The following RNGTT variants were observed in gnomAD, a reference collection of about 807,000 sequenced individuals.
RNGTT encodes the protein RNA guanylyltransferase and 5'-phosphatase, also known as mRNA-capping enzyme.
In RNGTT, 33 loss-of-function variants were observed where a neutral mutation model predicts 79.3. The observed-to-expected ratio is 0.42, with a 90% CI of 0.32 to 0.56. The LOEUF (loss-of-function observed/expected upper bound fraction) is 0.56, where lower values mean the gene tolerates loss of function less well. RNGTT is among the 20% of genes least tolerant of loss of function. RNGTT has a pLI of 0.17. For synonymous variants in RNGTT, 222 were observed against 235.9 expected, an observed-to-expected ratio of 0.94 and a Z score of 0.54; for missense variants, 497 against 739.1, an observed-to-expected ratio of 0.67 and a Z score of 3.80.
At chr6:88,928,600 A>G (rs1360507361) in intron 4 of RNGTT, among the ~76,000 whole-genome samples, 1 of 152,232 alleles carries the variant, frequency 6.6e-6, no homozygotes, top group Non-Finnish European at 1.5e-5. Flanking sequence ...AATACTATAT[A>G]GAAGCAAAAA....
chr6:88,874,682 G>C (rs922081678), intron 8 of RNGTT, among the ~76,000 whole-genome samples: 1 of 151,694 alleles, frequency 6.6e-6, no homozygotes, highest in Non-Finnish European at 1.5e-5. Flanking sequence ...TGAAAATCCA[G>C]TTAACACCTC....
chr6:88,949,756 G>C (rs1308467087), intron 1 of RNGTT, among the ~76,000 whole-genome samples: 1 of 152,172 alleles, frequency 6.6e-6, no homozygotes, highest in African/African-American at 2.4e-5. Context: ...TGATTCACAA[G>C]GTTTAAGGAA....
At chr6:88,845,439 T>C (rs1261150545) in intron 10 of RNGTT, among the ~76,000 whole-genome samples, 3 of 152,230 alleles carry the variant, frequency 2.0e-5, no homozygotes, top group South Asian at 4.1e-4. Flanking sequence ...ATGTGGCATA[T>C]ACAAACACAG....
At chr6:88,793,198 G>A (rs1158808018) in intron 12 of RNGTT, among the ~76,000 whole-genome samples, 2 of 152,002 alleles carry the variant, frequency 1.3e-5, no homozygotes, top group Non-Finnish European at 2.9e-5. Context: ...GACAGAAAAC[G>A]ATCATGAGAA....
At chr6:88,950,098 C>CT (rs1785190820) in intron 1 of RNGTT, among the ~76,000 whole-genome samples, 1 of 152,180 alleles carries the variant, frequency 6.6e-6, no homozygotes, top group Non-Finnish European at 1.5e-5. Flanking sequence ...TGTCTGTGCT[C>CT]TATCAACGAA....
chr6:88,614,177 C>T (rs1772134619), intron 15 of RNGTT, 95 bp downstream of exon 15: 1 of 1,159,846 alleles, frequency 8.6e-7, no homozygotes, highest in Non-Finnish European at 1.2e-6. Flanking sequence ...ATGACTATGC[C>T]CCATTAAGCA....
intron 14 of RNGTT, among the ~76,000 whole-genome samples, chr6:88,648,345 T>C (rs1166034733): frequency 1.3e-5 from 2 of 152,128 alleles, no homozygotes; most frequent in African/African-American, 4.8e-5. Context: ...GAAATTCTTA[T>C]GGCAGTCTGC....
rs1781413228 is a variant in RNGTT at position 88,844,266 on chromosome 6, C to T, written c.1269+91G>A. On this transcript the variant is annotated intron_variant, in intron 11 of 15. Coordinates refer to ENST00000369485, the MANE Select transcript of RNGTT (RefSeq NM_003800.5). The stretch of plus-strand genomic sequence containing the variant: ...CGAGTATTTTCTGACAAAGTCAAGA[C>T]AACTGGGCAGCAAAATGTCATTCAT... 12 of 1,261,682 alleles carry T rather than the reference C, an allele frequency of 9.5e-6. 1 individual carries two copies. The South Asian group carries it at 1.6e-4, about 16-fold the overall frequency. 78.2% of individuals were successfully genotyped at this position (1,261,682 alleles called of 1,614,324 possible).
chr6:88,861,834 C>T (rs893095149), intron 8 of RNGTT, among the ~76,000 whole-genome samples: 6 of 152,114 alleles, frequency 3.9e-5, no homozygotes, highest in Non-Finnish European at 7.4e-5. Context: ...AAATAGTTTT[C>T]ATAAACTTCT....
At chr6:88,871,262 C>A (rs1782344775) in intron 8 of RNGTT, among the ~76,000 whole-genome samples, 1 of 151,888 alleles carries the variant, frequency 6.6e-6, no homozygotes. Flanking sequence ...TACAACCACA[C>A]AGAAATTTTC....
chr6:88,898,838 C>T (rs1338557063), intron 6 of RNGTT, among the ~76,000 whole-genome samples: 3 of 147,738 alleles, frequency 2.0e-5, no homozygotes, highest in African/African-American at 7.5e-5. Flanking sequence ...CTATATACTC[C>T]TAGATGTTTG....
At position 88,853,763 on chromosome 6, in the gene RNGTT, A is replaced by C; in HGVS notation, c.898T>G (p.Tyr300Asp). Residue 300 changes from tyrosine (Y) to aspartate (D), a missense_variant and splice_region_variant, in exon 9 of 16, where the codon TAC becomes GAC. By Grantham distance (160) the Tyr-to-Asp change is radical (BLOSUM62 -3). Transcript: ENST00000369485. ...TTTGTGCCATCAATCAACATCATGTACCTGTAAATGAAACATTAAAAAGCT... is the reference window on the plus strand; with the variant it reads ...TTTGTGCCATCAATCAACATCATGTCCCTGTAAATGAAACATTAAAAAGCT... The part of the protein sequence containing the change: ...KVSWKADGTR[Y>D]MMLIDGTNEV... 1 of 1,530,420 alleles carries C rather than the reference A, an allele frequency of 6.5e-7. No individual in the cohort carries two copies. The highest frequency in any genetic ancestry group is 8.9e-7 in the Non-Finnish European group (1 of 1,122,488). 94.8% of individuals were successfully genotyped at this position (1,530,420 alleles called of 1,614,324 possible).
In RNGTT at chr6:88,867,292, G is replaced by A. The variant is rs144593934; in HGVS notation, c.897-13528C>T. 6.8e-4 allele frequency among the ~76,000 whole-genome samples: 103 copies of A among 152,152 alleles called. 1 individual carries two copies. The highest frequency in any genetic ancestry group is 2.3e-3 in the African/African-American group (97 of 41,500). On this transcript the variant is annotated intron_variant, in intron 8 of 15. Coordinates refer to ENST00000369485, the MANE Select transcript of RNGTT (RefSeq NM_003800.5). ...GAGGTCAGGAGTTTGAGACCAGCCC[G>A]GCCAACATGGTGAATCCCCATCTCT...
chr6:88,867,437 C>A (rs147465589), intron 8 of RNGTT, among the ~76,000 whole-genome samples: 2,873 of 152,066 alleles, frequency 0.019, 83 homozygotes, highest in African/African-American at 0.065. Context: ...GAGCCGAGAT[C>A]ATGGCACTGC....
chr6:88,947,315 G>A (rs1322222974), intron 1 of RNGTT, among the ~76,000 whole-genome samples: 1 of 28,994 alleles, frequency 3.4e-5, no homozygotes, highest in Non-Finnish European at 6.6e-5. Context: ...GGGATGTGAG[G>A]AGCGCCTCTG....
chr6:88,792,194 C>T (rs1779446076), intron 12 of RNGTT, among the ~76,000 whole-genome samples: 1 of 152,168 alleles, frequency 6.6e-6, no homozygotes, highest in African/African-American at 2.4e-5. Context: ...AATGGGACTA[C>T]ATTTCTCATT....
chr6:88,759,362 T>C (rs947780164), intron 13 of RNGTT, among the ~76,000 whole-genome samples: 2 of 152,202 alleles, frequency 1.3e-5, no homozygotes, highest in Admixed American at 1.3e-4. Flanking sequence ...AAGACATTTC[T>C]CTGAAGATCT....
chr6:88,682,232 C>A (rs1366620371), intron 13 of RNGTT, among the ~76,000 whole-genome samples: 1 of 152,108 alleles, frequency 6.6e-6, no homozygotes, highest in Non-Finnish European at 1.5e-5. Context: ...AGCTAAATAA[C>A]TCAAAATTAA....
chr6:88,670,324 T>C (rs576103762), intron 14 of RNGTT, among the ~76,000 whole-genome samples: 46 of 152,336 alleles, frequency 3.0e-4, no homozygotes, highest in Admixed American at 1.2e-3. Context: ...GTTGCTCCCC[T>C]GCTTGCTGCC....
Sources: gnomAD v4.1 joint callset for allele counts (sites outside exome capture counted in the v4.1 genomes callset) on GRCh38, gnomAD v4.1.1 for gene constraint, MANE v1.5 for transcripts, NCBI Gene and HGNC (gene_info 2026-07-23, HGNC 2026-07-21) for gene names.